The following USP22 variants were observed in gnomAD, a reference collection of about 807,000 sequenced individuals.
USP22 encodes the protein ubiquitin carboxyl-terminal hydrolase 22.
In USP22, 22 loss-of-function variants were observed where a neutral mutation model predicts 68.1. That is an observed-to-expected ratio of 0.32 (90% confidence interval 0.23 to 0.46). The LOEUF (loss-of-function observed/expected upper bound fraction) is 0.46, where lower values mean the gene tolerates loss of function less well. Among genes scored for constraint, USP22 ranks in the 20% least tolerant of loss-of-function variants. USP22 has a pLI of 1.00. For synonymous variants in USP22, 279 were observed against 274.2 expected, an observed-to-expected ratio of 1.02 and a Z score of -0.17; for missense variants, 433 against 695.8, an observed-to-expected ratio of 0.62 and a Z score of 4.25.
In USP22 at chr17:21,017,604, C is replaced by T. The variant is rs147546525; in HGVS notation, c.690+338G>A. Among the ~76,000 whole-genome samples the T allele has an allele frequency of 3.7e-4, 56 of 152,236 alleles. 2 individuals carry two copies. The highest frequency in any genetic ancestry group is 1.2e-3 in the African/African-American group (51 of 41,546). ...GGAGGACACAGGAGGGTGACACATG[C>T]GTGCCTTTCTGAGCCAGGAAGGTAG... On this transcript the variant is annotated intron_variant, in intron 5 of 12. Coordinates refer to ENST00000261497, the MANE Select transcript of USP22 (RefSeq NM_015276.2).
At chr17:21,018,286 G>T in intron 4 of USP22, 175 bp from the exon 5 acceptor site, 1 of 585,276 alleles carries the variant, frequency 1.7e-6, no homozygotes, top group South Asian at 2.5e-5. Flanking sequence ...TACATGAACG[G>T]TATTGAAGAA....
chr17:21,009,187 G>A (rs1325784156), intron 8 of USP22, among the ~76,000 whole-genome samples: 4 of 151,672 alleles, frequency 2.6e-5, no homozygotes, highest in Admixed American at 1.3e-4. Flanking sequence ...CATCAGAAGC[G>A]TGTCTGGCAC....
rs767569358 is a variant in USP22, at chr17:21,017,947, G to T, written c.685C>A (p.Gln229Lys). ...CAGAAGTCAATGGCGCTCACCTCCT[G>T]AAACAGTGAGGACATCTCACAGACC... ...CLVCEMSSLF[Q>K]EFYSGHRSPH... Residue 229 changes from glutamine to lysine, a missense_variant, in exon 5 of 13, where the codon CAG becomes AAG. Transcript: ENST00000261497. 6.2e-7 allele frequency: 1 copy of T among 1,614,038 alleles called. No homozygotes were observed.
chr17:21,022,340 T>G (rs1399474521), intron 2 of USP22, among the ~76,000 whole-genome samples: 1 of 152,014 alleles, frequency 6.6e-6, no homozygotes, highest in Non-Finnish European at 1.5e-5. Context: ...AAGATCCACT[T>G]TTGCTTTCTT....
intron 10 of USP22, 63 bp downstream of exon 10, chr17:21,006,833 G>C: frequency 7.4e-7 from 1 of 1,358,282 alleles, no homozygotes; most frequent in Non-Finnish European, 9.9e-7. Flanking sequence ...CTCCGAGCTG[G>C]ATTCCTGTCC....
chr17:21,022,560 G>C (rs1369457193), intron 2 of USP22, among the ~76,000 whole-genome samples: 1 of 152,148 alleles, frequency 6.6e-6, no homozygotes, highest in Non-Finnish European at 1.5e-5. Context: ...AGCACTTTGG[G>C]AGGCCGAGGC....
At chr17:21,018,927 G>C (rs564931023) in intron 4 of USP22, among the ~76,000 whole-genome samples, 157 bp downstream of exon 4, 1 of 152,362 alleles carries the variant, frequency 6.6e-6, no homozygotes, top group East Asian at 1.9e-4. Flanking sequence ...TCCCTGCAGA[G>C]AACAGGTGCT....
intron 1 of USP22, among the ~76,000 whole-genome samples, chr17:21,039,486 C>A (rs866911795): frequency 6.6e-6 from 1 of 151,962 alleles, no homozygotes; most frequent in Admixed American, 6.5e-5. Flanking sequence ...ATCACTTAAA[C>A]CCTGGAGGGG....
chr17:21,003,682 G>A (rs993971769), intron 12 of USP22, among the ~76,000 whole-genome samples: 9 of 152,086 alleles, frequency 5.9e-5, no homozygotes, highest in Non-Finnish European at 8.8e-5. Flanking sequence ...CAGGAGGATT[G>A]CCTGAAGTCA....
intron 5 of USP22, among the ~76,000 whole-genome samples, chr17:21,017,295 G>A (rs548790698): frequency 9.3e-4 from 142 of 152,314 alleles, no homozygotes; most frequent in Non-Finnish European, 1.7e-3. Context: ...TCCTGTGCAA[G>A]GCACCTGAAG....
At chr17:21,043,039 C>A (rs1367296896), upstream of USP22, 3 of 264,142 alleles carry the variant, frequency 1.1e-5, no homozygotes, top group Non-Finnish European at 2.1e-5. Flanking sequence ...GCTGCGGCTG[C>A]TGCGGACCGC....
At chr17:21,041,018 G>T (rs112157308) in intron 1 of USP22, among the ~76,000 whole-genome samples, 1 of 151,832 alleles carries the variant, frequency 6.6e-6, no homozygotes, top group Non-Finnish European at 1.5e-5. Context: ...TGGAGTAGCT[G>T]GGATTACAGG....
rs112649551 is a variant in USP22 at position 21,042,880 on chromosome 17, G to A, written c.-45C>T. ...CGCGCGGGGGGCGGCGGCGAGGGAG[G>A]CGAGGACGACGCCAGCGCGGCGTGG... On this transcript the variant is annotated 5_prime_UTR_variant, in exon 1 of 13. Coordinates refer to ENST00000261497, the MANE Select transcript of USP22 (RefSeq NM_015276.2). The A allele has an allele frequency of 8.3e-7, 1 of 1,209,812 alleles. No homozygotes were observed. The highest frequency in any genetic ancestry group is 3.5e-5 in the South Asian group (1 of 28,622). The allele number at this position is 1,209,812 out of a possible 1,614,324, so 74.9% of individuals were successfully genotyped here. A position where few individuals can be genotyped will look rare whatever the true frequency, so the allele number is the denominator to read the frequency against.
At chr17:21,042,430 G>T (rs1019886356) in intron 1 of USP22, among the ~76,000 whole-genome samples, 1 of 147,448 alleles carries the variant, frequency 6.8e-6, no homozygotes, top group Non-Finnish European at 1.5e-5. Context: ...ATGGGGGAAG[G>T]GGGGAGAGGG....
At chr17:21,019,960 C>T (rs549919416) in intron 3 of USP22, among the ~76,000 whole-genome samples, 60 of 152,334 alleles carry the variant, frequency 3.9e-4, no homozygotes, top group African/African-American at 1.3e-3. Context: ...GAACACAAGT[C>T]AGAGATTGCT....
intron 1 of USP22, among the ~76,000 whole-genome samples, chr17:21,031,918 G>C (rs1972295833): frequency 6.6e-6 from 1 of 152,214 alleles, no homozygotes; most frequent in Admixed American, 6.5e-5. Flanking sequence ...CAACCAACAA[G>C]ACAACTGGCG....
In USP22 at chr17:21,002,156, C is replaced by T. The variant is rs540993141; in HGVS notation, c.*875G>A. ...ACACCGTATGAGCTGCAGCACAACT[C>T]TCCTCCGCTGCGCCCACTGCCAGCC... is the stretch of plus-strand genomic sequence containing the variant. On this transcript the variant is annotated 3_prime_UTR_variant, in exon 13 of 13. Transcript: ENST00000261497. The T allele has an allele frequency of 6.6e-6, 1 of 152,474 alleles. No individual in the cohort carries two copies. The highest frequency in any genetic ancestry group is 2.4e-5 in the African/African-American group (1 of 41,560). The allele number at this position is 152,474 out of a possible 1,614,324, so 9.4% of individuals were successfully genotyped here.
At chr17:21,015,627 G>T in intron 6 of USP22, 125 bp downstream of exon 6, 1 of 1,315,816 alleles carries the variant, frequency 7.6e-7, no homozygotes, top group Non-Finnish European at 1.0e-6. Context: ...CAAGGGCTAT[G>T]ATGACAAAAC....
chr17:21,041,008 T>C (rs1169802974), intron 1 of USP22, among the ~76,000 whole-genome samples: 1 of 151,726 alleles, frequency 6.6e-6, no homozygotes, highest in Non-Finnish European at 1.5e-5. Flanking sequence ...CCTCAACCTC[T>C]GGAGTAGCTG....
Sources: gnomAD v4.1 joint callset for allele counts (sites outside exome capture counted in the v4.1 genomes callset) on GRCh38, gnomAD v4.1.1 for gene constraint, MANE v1.5 for transcripts, NCBI Gene and HGNC (gene_info 2026-07-23, HGNC 2026-07-21) for gene names.